Variants in REDIC1 observed in about 807,000 individuals in gnomAD.
REDIC1 encodes HEI10 Interacting Protein 1.
the REDIC1 span, among the ~76,000 whole-genome samples, chr12:39,739,793 T>A: frequency 2.0e-5 from 3 of 152,198 alleles, no homozygotes; most frequent in Non-Finnish European, 4.4e-5. Context: ...AGAGGTGCCA[T>A]CTGTTTCTCT....
At chr12:39,714,188 T>C in the REDIC1 span, among the ~76,000 whole-genome samples, 1 of 14,192 alleles carries the variant, frequency 7.0e-5, no homozygotes. Flanking sequence ...TACATGCATA[T>C]ATGTATATAT....
the REDIC1 span, among the ~76,000 whole-genome samples, chr12:39,896,583 T>G: frequency 7.0e-3 from 1,054 of 149,658 alleles, 15 homozygotes; most frequent in South Asian, 0.011. Flanking sequence ...TATGTGTGTA[T>G]ATATGTATAC....
the REDIC1 span, chr12:39,650,431 AC>A: frequency 6.6e-7 from 1 of 1,505,486 alleles, no homozygotes; most frequent in Non-Finnish European, 8.8e-7. This position sits in a 1 kb window ranked among gnomAD's most constrained non-coding sequence, Gnocchi z 4.3. Flanking sequence ...TTTAATGGAC[AC>A]AAATATTTTT....
At chr12:39,701,314 T>C in the REDIC1 span, among the ~76,000 whole-genome samples, 120,382 of 151,878 alleles carry the variant, frequency 0.79, 48,450 homozygotes, top group Non-Finnish European at 0.87. Flanking sequence ...AGACTTTAAA[T>C]CAACAGAGAT....
the REDIC1 span, among the ~76,000 whole-genome samples, chr12:39,807,049 G>A: frequency 1.3e-5 from 2 of 152,112 alleles, no homozygotes; most frequent in Non-Finnish European, 2.9e-5. Context: ...CATTAGGTTG[G>A]TGCAAAAGTA....
At chr12:39,678,857 A>G in the REDIC1 span, among the ~76,000 whole-genome samples, 1 of 152,172 alleles carries the variant, frequency 6.6e-6, no homozygotes, top group Non-Finnish European at 1.5e-5. Flanking sequence ...TTATATGATC[A>G]TTTCAATAGA....
chr12:39,705,311 G>T, the REDIC1 span, among the ~76,000 whole-genome samples: 2 of 152,014 alleles, frequency 1.3e-5, no homozygotes, highest in Admixed American at 6.6e-5. Context: ...CTAGATTGAA[G>T]TTGTAATAAA....
chr12:39,682,706 C>G, the REDIC1 span: 43 of 1,612,848 alleles, frequency 2.7e-5, no homozygotes, highest in African/African-American at 3.3e-4. Context: ...GACTACATTA[C>G]TGAAAAACAC....
At chr12:39,751,981 G>T in the REDIC1 span, among the ~76,000 whole-genome samples, 2 of 152,100 alleles carry the variant, frequency 1.3e-5, no homozygotes, top group African/African-American at 4.8e-5. Flanking sequence ...CAGCACACCA[G>T]CATGGCACAT....
the REDIC1 span, among the ~76,000 whole-genome samples, chr12:39,712,484 GTATA>G: frequency 6.5e-5 from 9 of 137,976 alleles, no homozygotes; most frequent in Non-Finnish European, 7.9e-5. Context: ...ATACATACAG[GTATA>G]TATACGACGT....
chr12:39,713,791 AGATG>A, the REDIC1 span, among the ~76,000 whole-genome samples: 254 of 149,244 alleles, frequency 1.7e-3, no homozygotes, highest in Middle Eastern at 3.5e-3. Flanking sequence ...AAATATACAT[AGATG>A]TATATATGCA....
the REDIC1 span, among the ~76,000 whole-genome samples, chr12:39,767,549 T>C: frequency 6.6e-6 from 1 of 152,032 alleles, no homozygotes; most frequent in African/African-American, 2.4e-5. Flanking sequence ...AAGCTAGACA[T>C]TGACTTCTCC....
At chr12:39,654,210 ATGT>A in the REDIC1 span, among the ~76,000 whole-genome samples, 1 of 152,136 alleles carries the variant, frequency 6.6e-6, no homozygotes, top group South Asian at 2.1e-4. Context: ...TGAAATTATG[ATGT>A]TGTTTTTTTT....
chr12:39,886,984 C>T, the REDIC1 span, among the ~76,000 whole-genome samples: 1 of 152,056 alleles, frequency 6.6e-6, no homozygotes, highest in South Asian at 2.1e-4. Context: ...TGATAAGAGG[C>T]AATACTAAAC....
chr12:39,713,132 C>A, the REDIC1 span, among the ~76,000 whole-genome samples: 1 of 148,472 alleles, frequency 6.7e-6, no homozygotes, highest in East Asian at 2.0e-4. Flanking sequence ...TGTGCATATA[C>A]GTATATATGT....
At chr12:39,723,700 A>G in the REDIC1 span, among the ~76,000 whole-genome samples, 14 of 152,056 alleles carry the variant, frequency 9.2e-5, no homozygotes, top group Non-Finnish European at 1.9e-4. Context: ...GTGACTTCAG[A>G]TAAGATACTA....
At chr12:39,705,727 T>C in the REDIC1 span, among the ~76,000 whole-genome samples, 1 of 152,096 alleles carries the variant, frequency 6.6e-6, no homozygotes, top group Non-Finnish European at 1.5e-5. Context: ...AACATTTCAA[T>C]TGATGCTGAA....
At chr12:39,724,916 A>G in the REDIC1 span, among the ~76,000 whole-genome samples, 10 of 152,086 alleles carry the variant, frequency 6.6e-5, no homozygotes, top group Admixed American at 5.3e-4. Context: ...TATCAACAGT[A>G]TAGGAGAGAG....
the REDIC1 span, among the ~76,000 whole-genome samples, chr12:39,752,182 G>A: frequency 6.6e-6 from 1 of 152,172 alleles, no homozygotes; most frequent in Non-Finnish European, 1.5e-5. Flanking sequence ...CCACGCCATG[G>A]ACGCATATTG....
Sources: gnomAD v4.1 joint callset for allele counts (sites outside exome capture counted in the v4.1 genomes callset) on GRCh38, gnomAD v4.1.1 for gene constraint, Gnocchi (gnomAD v3.1) non-coding constraint, MANE v1.5 for transcripts, NCBI Gene and HGNC (gene_info 2026-07-23, HGNC 2026-07-21) for gene names.